The following SEPTIN7 variants were observed in gnomAD, a reference collection of about 807,000 sequenced individuals.
The protein encoded by SEPTIN7 is septin-7.
A neutral mutation model predicts 63.3 loss-of-function variants in SEPTIN7; 10 were observed. The ratio of observed to expected loss-of-function variants is 0.16; its 90% confidence interval spans 0.10 to 0.27. The LOEUF is 0.27. Among genes scored for constraint, SEPTIN7 ranks in the 10% least tolerant of loss-of-function variants. The pLI is 1.00. For synonymous variants in SEPTIN7, 131 were observed against 165.3 expected (o/e 0.79, Z 1.59); for missense variants, 310 against 521.0 (o/e 0.59, Z 3.94).
At chr7:35,907,285 A>C (rs1439455797), downstream of SEPTIN7, among the ~76,000 whole-genome samples, 1 of 152,164 alleles carries the variant, frequency 6.6e-6, no homozygotes, top group Non-Finnish European at 1.5e-5. Flanking sequence ...TTCTAATAAT[A>C]AGCTTGCAAA....
intron 1 of SEPTIN7, among the ~76,000 whole-genome samples, chr7:35,824,873 TTAA>T (rs372058842): frequency 1.6e-3 from 239 of 152,322 alleles, no homozygotes; most frequent in Admixed American, 4.8e-3. Context: ...TATAAAATTA[TTAA>T]TAAGATATTT....
intron 11 of SEPTIN7, 108 bp from the exon 12 acceptor site, chr7:35,898,135 ATATAT>A (rs1323334409): frequency 7.3e-6 from 5 of 681,728 alleles, no homozygotes; most frequent in African/African-American, 1.8e-5. Flanking sequence ...TAGGTTATAA[ATATAT>A]TAATAGTGAC....
chr7:35,836,286 A>G (rs540612910), intron 3 of SEPTIN7, among the ~76,000 whole-genome samples: 1 of 152,316 alleles, frequency 6.6e-6, no homozygotes, highest in Admixed American at 6.5e-5. Context: ...TAATTGTAAT[A>G]TCCTGTTTTT....
rs1290885616 is a variant in SEPTIN7, at chr7:35,906,648, TATC to T, written c.*2358_*2360del. On this transcript the variant is annotated 3_prime_UTR_variant, in exon 14 of 14. Transcript: ENST00000350320. Reference sequence around the variant, plus strand: ...TTTGCTGCCACCTAGTGGAATGGGATATCATTGCTTCCATATCAGGTTCACAAG... The same window carrying T: ...TTTGCTGCCACCTAGTGGAATGGGATATTGCTTCCATATCAGGTTCACAAG... 10 of 152,228 alleles carry T rather than the reference TATC, an allele frequency of 6.6e-5. No homozygotes were observed. Among genetic ancestry groups the T allele is most frequent in the African/African-American group, 2.2e-4 (9 of 41,454 alleles). 9.4% of individuals were successfully genotyped at this position (152,228 alleles called of 1,614,324 possible).
At chr7:35,911,260 A>C (rs907764519), downstream of SEPTIN7, among the ~76,000 whole-genome samples, 1 of 152,234 alleles carries the variant, frequency 6.6e-6, no homozygotes, top group Non-Finnish European at 1.5e-5. Flanking sequence ...GGGCTGACAC[A>C]GGGAACAATT....
At chr7:35,801,810 G>A (rs1392398720) in intron 1 of SEPTIN7, among the ~76,000 whole-genome samples, 3 of 152,024 alleles carry the variant, frequency 2.0e-5, no homozygotes, top group Non-Finnish European at 4.4e-5. Flanking sequence ...GGAGGAAGAA[G>A]GATGCACCAG....
Position 35,801,180 on chromosome 7 carries a change from G to A in SEPTIN7, c.-30G>A. On this transcript the variant is annotated 5_prime_UTR_variant, in exon 1 of 14. Transcript: ENST00000350320. ...TTGGAGAATCGGCGGGCTGCGCTCC[G>A]CTGGGGCTGGTCGCGGAGGGGGGGA... 2 of 1,481,800 alleles carry A rather than the reference G, an allele frequency of 1.3e-6. No homozygotes were observed. Among genetic ancestry groups the A allele is most frequent in the Non-Finnish European group, 1.8e-6 (2 of 1,113,514 alleles). The allele number at this position is 1,481,800 out of a possible 1,614,324, so 91.8% of individuals were successfully genotyped here. A position where few individuals can be genotyped will look rare whatever the true frequency, so the allele number is the denominator to read the frequency against.
chr7:35,872,053 C>T (rs1040431181), intron 4 of SEPTIN7, among the ~76,000 whole-genome samples: 4 of 152,066 alleles, frequency 2.6e-5, no homozygotes, highest in Non-Finnish European at 5.9e-5. Flanking sequence ...ACTGTCTGGA[C>T]TTTTGCTGAT....
chr7:35,801,647 T>A (rs6967148), intron 1 of SEPTIN7, among the ~76,000 whole-genome samples: 1 of 152,026 alleles, frequency 6.6e-6, no homozygotes, highest in African/African-American at 2.4e-5. Flanking sequence ...GCCCGCCGGC[T>A]TCCGCGGCCC....
chr7:35,834,314 T>C (rs1442994793), intron 3 of SEPTIN7, among the ~76,000 whole-genome samples: 1 of 152,074 alleles, frequency 6.6e-6, no homozygotes, highest in Non-Finnish European at 1.5e-5. Flanking sequence ...AATTACTTTT[T>C]AAACTATACT....
At chr7:35,802,861 C>T (rs1788085562) in intron 1 of SEPTIN7, among the ~76,000 whole-genome samples, 1 of 152,118 alleles carries the variant, frequency 6.6e-6, no homozygotes, top group Non-Finnish European at 1.5e-5. Flanking sequence ...TCTTTCATCT[C>T]ATTCAGCTGT....
At chr7:35,914,913 GATATGTATTTGCAC>G in the SEPTIN7 span, among the ~76,000 whole-genome samples, 1 of 151,746 alleles carries the variant, frequency 6.6e-6, no homozygotes, top group Non-Finnish European at 1.5e-5. Context: ...TGTGTATATA[GATATGTATTTGCAC>G]ATATGTATAT....
intron 1 of SEPTIN7, among the ~76,000 whole-genome samples, chr7:35,805,769 T>TGAAATATAAA (rs754316885): frequency 9.0e-4 from 137 of 152,372 alleles, no homozygotes; most frequent in Non-Finnish European, 1.7e-3. Flanking sequence ...AATGTTTGTT[T>TGAAATATAAA]GCTTTATGTG....
intron 11 of SEPTIN7, among the ~76,000 whole-genome samples, chr7:35,897,921 GT>G (rs1357736548): frequency 2.0e-5 from 3 of 151,966 alleles, no homozygotes; most frequent in Non-Finnish European, 4.4e-5. Flanking sequence ...GTAAAATGTT[GT>G]TTGAAGAACA....
At chr7:35,904,216 T>C (rs1788488794) in intron 13 of SEPTIN7, 38 bp from the exon 14 acceptor site, 2 of 1,457,016 alleles carry the variant, frequency 1.4e-6, no homozygotes, top group Non-Finnish European at 1.9e-6. Flanking sequence ...GTTTATAAAA[T>C]GGTTACTCAT....
intron 1 of SEPTIN7, among the ~76,000 whole-genome samples, chr7:35,823,964 T>C (rs1319917578): frequency 2.0e-5 from 3 of 152,120 alleles, no homozygotes; most frequent in Non-Finnish European, 4.4e-5. Flanking sequence ...CTTTGTCTGC[T>C]ACTTGGTGTT....
chr7:35,865,918 C>T (rs1785784115), intron 4 of SEPTIN7, among the ~76,000 whole-genome samples: 1 of 152,164 alleles, frequency 6.6e-6, no homozygotes, highest in Non-Finnish European at 1.5e-5. Flanking sequence ...TTTTACCTTC[C>T]TTTAAAATAA....
chr7:35,914,778 TTCTC>T, the SEPTIN7 span, among the ~76,000 whole-genome samples: 18 of 152,038 alleles, frequency 1.2e-4, no homozygotes, highest in African/African-American at 4.1e-4. Context: ...TAAATCTCTA[TTCTC>T]TCTCTTTCAT....
At chr7:35,861,977 G>A (rs1785535776) in intron 3 of SEPTIN7, among the ~76,000 whole-genome samples, 2 of 152,174 alleles carry the variant, frequency 1.3e-5, no homozygotes, top group Non-Finnish European at 1.5e-5. Flanking sequence ...CACAGGTCCT[G>A]TAAGGTTAAT....
Sources: gnomAD v4.1 joint callset for allele counts (sites outside exome capture counted in the v4.1 genomes callset) on GRCh38, gnomAD v4.1.1 for gene constraint, MANE v1.5 for transcripts, NCBI Gene and HGNC (gene_info 2026-07-23, HGNC 2026-07-21) for gene names.